Variants in MIIP observed in about 807,000 individuals in gnomAD.
MIIP encodes the protein migration and invasion-inhibitory protein.
A neutral mutation model predicts 44.8 loss-of-function variants in MIIP; 44 were observed. The ratio of observed to expected loss-of-function variants is 0.98; its 90% confidence interval spans 0.77 to 1.26. MIIP has a LOEUF of 1.26. Among genes scored for constraint, MIIP ranks in the 50% most tolerant of loss-of-function variants. The pLI, the probability that MIIP is intolerant of heterozygous loss-of-function variation, is 0.00. For synonymous variants in MIIP, 225 were observed against 218.3 expected (o/e 1.03, Z -0.27); for missense variants, 496 against 511.7 (o/e 0.97, Z 0.30).
At chr1:12,030,220 A>AGC in intron 8 of MIIP, 96 bp downstream of exon 8, 1 of 1,203,710 alleles carries the variant, frequency 8.3e-7, no homozygotes, top group Non-Finnish European at 1.2e-6. Context: ...ACTGGGCTCG[A>AGC]CAAGGGTGAG....
At position 12,030,100 on chromosome 1, in the gene MIIP, C is replaced by T. The variant is rs982022860; in HGVS notation, c.918C>T (p.Ala306=). 3 of 1,612,914 alleles carry T rather than the reference C, an allele frequency of 1.9e-6. No individual in the cohort carries two copies. Among genetic ancestry groups the T allele is most frequent in the Non-Finnish European group, 2.5e-6 (3 of 1,179,966 alleles). The change falls in exon 8 of 10, where the codon GCC becomes GCT. Residue 306 remains alanine, a synonymous_variant. Transcript: ENST00000235332. ...TCCACCGGCGAAAGAGCTTTGACGC[C>T]TCTGACACACTGGCCCTGCCCCGGG... ...YHIHRRKSFD[A]SDTLALPRHC...
At chr1:12,024,083 G>GTA (rs766807952) in intron 4 of MIIP, 3 of 152,138 alleles carry the variant, frequency 2.0e-5, no homozygotes, top group Non-Finnish European at 4.4e-5. Context: ...GTCACTGACT[G>GTA]TGAGTATACA....
intron 3 of MIIP, 82 bp downstream of exon 3, chr1:12,022,524 G>A (rs1319613704): frequency 7.4e-6 from 9 of 1,208,860 alleles, no homozygotes; most frequent in Non-Finnish European, 1.0e-5. Context: ...TGTGCTTGTG[G>A]GTAGCCTCCC....
At chr1:12,030,374 T>C (rs1390812822) in intron 8 of MIIP, among the ~76,000 whole-genome samples, 2 of 151,982 alleles carry the variant, frequency 1.3e-5, no homozygotes, top group Non-Finnish European at 2.9e-5. Context: ...GTCCTGTTTA[T>C]TGCGCTTTTG....
chr1:12,031,644 G>A lies in MIIP; in HGVS notation c.1081-78G>A. The A allele has an allele frequency of 1.9e-6, 3 of 1,613,580 alleles. No homozygotes were observed. In the South Asian group the frequency reaches 3.3e-5, roughly 18 times the overall value. On this transcript the variant is annotated intron_variant, in intron 9 of 9. Transcript: ENST00000235332. ...AAGGCCACCCTGACTGCAAGATCCA[G>A]GAGGGAATGTGGCTGGAACTGGGGA...
chr1:12,020,993 T>C (rs893139820), intron 1 of MIIP, among the ~76,000 whole-genome samples: 1 of 152,128 alleles, frequency 6.6e-6, no homozygotes, highest in African/African-American at 2.4e-5. Context: ...TTTTTTGTTT[T>C]TTTTACAGTG....
chr1:12,031,360 CCCAGCACCAGAAGCTGT>C lies in MIIP; in HGVS notation c.1040_1056del (p.Gln347ArgfsTer109). 2 of 1,613,928 alleles carry C rather than the reference CCCAGCACCAGAAGCTGT, an allele frequency of 1.2e-6. No homozygotes were observed. Among genetic ancestry groups the C allele is most frequent in the Non-Finnish European group, 1.7e-6 (2 of 1,179,926 alleles). ...CTCTGGTCCTCTGTCTCCGCTGAGG[CCCAGCACCAGAAGCTGT>C]CCGGCACCAGCAGCCCTTTTCACCC... On this transcript the variant is annotated frameshift_variant, in exon 9 of 10. Coordinates refer to ENST00000235332, the MANE Select transcript of MIIP (RefSeq NM_021933.4). LOFTEE classifies it low-confidence loss of function (END_TRUNC).
chr1:12,026,787 A>T (rs2100902432), intron 4 of MIIP, among the ~76,000 whole-genome samples: 1 of 152,310 alleles, frequency 6.6e-6, no homozygotes, highest in Non-Finnish European at 1.5e-5. Flanking sequence ...CACAGATGGG[A>T]AGGCTGAGGC....
rs773547396 is a variant in MIIP at position 12,031,787 on chromosome 1, C to T, written c.1146C>T (p.His382=). The part of the protein sequence containing the change: ...TWSVPQVPRP[H]VPRQKP ...CAGTGCCCCAGGTCCCTCGGCCCCA[C>T]GTCCCACGGCAGAAGCCCTGAGGAC... Residue 382 remains histidine (H), a synonymous_variant, in exon 10 of 10, where the codon CAC becomes CAT. Transcript: ENST00000235332. The T allele has an allele frequency of 2.4e-5, 39 of 1,613,814 alleles. No homozygotes were observed. The highest frequency in any genetic ancestry group is 4.0e-5 in the African/African-American group (3 of 74,912).
chr1:12,029,289 C>T lies in MIIP; in HGVS notation c.715+8C>T, dbSNP rs746231426. 1.4e-5 allele frequency: 22 copies of T among 1,612,090 alleles called. No individual in the cohort carries two copies. Among genetic ancestry groups the T allele is most frequent in the Middle Eastern group, 3.3e-4 (2 of 5,984 alleles). The stretch of plus-strand genomic sequence containing the variant: ...TGGAGGAAGACCATGAATGTGAGTG[C>T]GGGCCCTCGGCTAGGCCGCTGAGTA... On this transcript the variant is annotated splice_region_variant and intron_variant, in intron 6 of 9. Coordinates refer to ENST00000235332, the MANE Select transcript of MIIP (RefSeq NM_021933.4).
At chr1:12,021,882 G>T in intron 2 of MIIP, 42 bp downstream of exon 2, 1 of 1,498,376 alleles carries the variant, frequency 6.7e-7, no homozygotes, top group South Asian at 1.3e-5. Flanking sequence ...GGGGCTACCT[G>T]ACCTTCAGGC....
At chr1:12,028,725 G>T in intron 4 of MIIP, 1 of 364,096 alleles carries the variant, frequency 2.7e-6, no homozygotes, top group Non-Finnish European at 5.2e-6. Flanking sequence ...TACAGTGTAA[G>T]CCTCATTAAG....
chr1:12,028,036 G>A (rs1026006427), intron 4 of MIIP, among the ~76,000 whole-genome samples: 31 of 152,168 alleles, frequency 2.0e-4, no homozygotes, highest in African/African-American at 5.5e-4. Context: ...GTGAAACCCC[G>A]TCTCTACTAA....
intron 8 of MIIP, 32 bp from the exon 9 acceptor site, chr1:12,031,234 G>A: frequency 1.2e-6 from 2 of 1,602,536 alleles, no homozygotes; most frequent in Non-Finnish European, 1.7e-6. Context: ...CTTGTCCCAG[G>A]TCAGGCACTT....
rs190066759 is a variant in MIIP, at chr1:12,028,079, C to T, written c.548-954C>T. Among the ~76,000 whole-genome samples, 470 of 152,250 alleles carry T rather than the reference C, an allele frequency of 3.1e-3. 2 individuals carry two copies. The highest frequency in any genetic ancestry group is 0.01 in the African/African-American group (427 of 41,538). ...AAAATTAGCTGGGTGTGGTGGCGCA[C>T]GCCTGTAATTCCAGCTCTGTAGGTG... is the stretch of plus-strand genomic sequence containing the variant. On this transcript the variant is annotated intron_variant, in intron 4 of 9. Transcript: ENST00000235332.
At chr1:12,021,934 T>A (rs1639984985) in intron 2 of MIIP, 94 bp downstream of exon 2, 1 of 1,249,860 alleles carries the variant, frequency 8.0e-7, no homozygotes, top group Non-Finnish European at 1.1e-6. Flanking sequence ...AATACACCCA[T>A]TTTACTGATG....
intron 9 of MIIP, 32 bp downstream of exon 9, chr1:12,031,435 G>T: frequency 6.2e-7 from 1 of 1,601,322 alleles, no homozygotes; most frequent in Non-Finnish European, 8.5e-7. Flanking sequence ...AGCCTGGGGT[G>T]CCCCCTAGAG....
chr1:12,029,427 G>C (rs1290954702), intron 6 of MIIP, 146 bp downstream of exon 6: 4 of 954,048 alleles, frequency 4.2e-6, no homozygotes, highest in Non-Finnish European at 6.2e-6. Flanking sequence ...CCTGCAGTCT[G>C]GACAGGGTGG....
intron 9 of MIIP, 116 bp from the exon 10 acceptor site, chr1:12,031,606 T>C: frequency 6.2e-7 from 1 of 1,611,620 alleles, no homozygotes; most frequent in South Asian, 1.1e-5. Context: ...CCGCCTGCCC[T>C]GCTCCACCCA....
Sources: gnomAD v4.1 joint callset for allele counts (sites outside exome capture counted in the v4.1 genomes callset) on GRCh38, gnomAD v4.1.1 for gene constraint, MANE v1.5 for transcripts, NCBI Gene and HGNC (gene_info 2026-07-23, HGNC 2026-07-21) for gene names.